AHCTF1: variants seen among roughly 807,000 people sequenced by gnomAD.
AHCTF1 encodes the protein protein ELYS.
AHCTF1 carries 24 observed loss-of-function variants against 248.4 expected under a neutral mutation model. That is an observed-to-expected ratio of 0.10 (90% CI 0.07 to 0.14). AHCTF1 has a LOEUF of 0.14. Among genes scored for constraint, AHCTF1 ranks in the 10% least tolerant of loss-of-function variants. The probability of loss-of-function intolerance (pLI) is 1.00; values close to 1 mark genes in which losing one functional copy is unlikely to be tolerated. For missense variants in AHCTF1, 2,206 were observed against 2,636.2 expected (o/e 0.84, Z 3.57); for synonymous variants, 786 against 929.8 (o/e 0.85, Z 2.81).
chr1:246,894,823 G>A, intron 13 of AHCTF1, 75 bp from the exon 14 acceptor site: 2 of 1,300,898 alleles, frequency 1.5e-6, no homozygotes, highest in Non-Finnish European at 2.2e-6. Flanking sequence ...TGGTGGAGAA[G>A]CATGGCAGAC....
chr1:246,885,900 A>C (rs1663786660), intron 20 of AHCTF1, among the ~76,000 whole-genome samples: 1 of 152,208 alleles, frequency 6.6e-6, no homozygotes, highest in Admixed American at 6.5e-5. Flanking sequence ...CATTTGAAAA[A>C]ATAAGGCTGG....
At chr1:246,918,184 T>C (rs1666278023) in intron 2 of AHCTF1, 66 bp downstream of exon 2, 1 of 1,419,092 alleles carries the variant, frequency 7.0e-7, no homozygotes, top group Non-Finnish European at 9.4e-7. Flanking sequence ...AACTATAATA[T>C]ATACTTATTA....
chr1:246,858,921 C>A (rs923420267), intron 29 of AHCTF1, among the ~76,000 whole-genome samples: 1 of 151,812 alleles, frequency 6.6e-6, no homozygotes, highest in African/African-American at 2.4e-5. Context: ...GTTAGTAGAA[C>A]AAGGCACATC....
chr1:246,863,107 T>C (rs1021672308), intron 27 of AHCTF1, among the ~76,000 whole-genome samples: 22 of 152,356 alleles, frequency 1.4e-4, no homozygotes, highest in Non-Finnish European at 2.6e-4. Flanking sequence ...AAGTGTGATT[T>C]ATTTTTGACA....
chr1:246,885,886 A>T (rs1401221331), intron 20 of AHCTF1, among the ~76,000 whole-genome samples: 2 of 152,224 alleles, frequency 1.3e-5, no homozygotes, highest in Non-Finnish European at 2.9e-5. Context: ...GTGCAGATAG[A>T]AAACATTTGA....
rs563808117 is a variant in AHCTF1, at chr1:246,896,872, A to T, written c.1624-947T>A. Among the ~76,000 whole-genome samples, 6 of 152,366 alleles carry T rather than the reference A, an allele frequency of 3.9e-5. No individual in the cohort carries two copies. In the South Asian group the frequency reaches 1.2e-3, roughly 32 times the overall value. Reference sequence around the variant, plus strand: ...GTTGAACAGGCACAGAGGGAATTACATAATGGTCCACAAAACCTAAGAAGG... The same window carrying T: ...GTTGAACAGGCACAGAGGGAATTACTTAATGGTCCACAAAACCTAAGAAGG... On this transcript the variant is annotated intron_variant, in intron 12 of 35. Transcript: ENST00000648844.
intron 21 of AHCTF1, among the ~76,000 whole-genome samples, chr1:246,879,346 C>T (rs1220950323): frequency 6.6e-6 from 1 of 152,090 alleles, no homozygotes; most frequent in Non-Finnish European, 1.5e-5. Context: ...GTTGTCATAA[C>T]CTTGATGGAG....
chr1:246,852,665 C>T (rs190711324), intron 32 of AHCTF1, among the ~76,000 whole-genome samples: 1 of 152,174 alleles, frequency 6.6e-6, no homozygotes, highest in East Asian at 1.9e-4. Flanking sequence ...CTAAAAAAAC[C>T]TTTCATTTGA....
chr1:246,911,540 A>G (rs1326081682), intron 4 of AHCTF1, among the ~76,000 whole-genome samples: 1 of 143,890 alleles, frequency 6.9e-6, no homozygotes, highest in Non-Finnish European at 1.5e-5. Flanking sequence ...CTGGAATGCA[A>G]TGGCGCAATC....
Position 246,850,093 on chromosome 1 carries a change from A to G in AHCTF1, c.5913T>C (p.Pro1971=), listed in dbSNP as rs1180127151. The change falls in exon 33 of 36, where the codon CCT becomes CCC. Residue 1971 remains proline (P), a synonymous_variant. Transcript: ENST00000648844. ...VQAEFDMSAI[P]RKRGRPRKIN... ...TTTTTCTTGGTCTACCACGTTTTCT[A>G]GGTATGGCAGACATATCAAATTCTG... 1.7e-5 allele frequency: 27 copies of G among 1,613,900 alleles called. No individual in the cohort carries two copies. The highest frequency in any genetic ancestry group is 2.3e-5 in the Non-Finnish European group (27 of 1,179,866).
chr1:246,928,610 T>C (rs1667117464), intron 1 of AHCTF1, among the ~76,000 whole-genome samples: 1 of 152,170 alleles, frequency 6.6e-6, no homozygotes, highest in South Asian at 2.1e-4. Context: ...ACAAAATTCT[T>C]AAAATTACTA....
rs768685968 is a variant in AHCTF1, at chr1:246,902,560, C to A, written c.1082G>T (p.Arg361Leu). The A allele has an allele frequency of 4.3e-6, 7 of 1,611,416 alleles. No individual in the cohort carries two copies. Among genetic ancestry groups the A allele is most frequent in the Non-Finnish European group, 5.1e-6 (6 of 1,179,568 alleles). ...LLGCQSIEKF[R>L]SHGDREEGVN... is the part of the protein sequence containing the mutation. ...GCCTTCCTCCCTGTCACCATGAGAT[C>A]GAAATTTCTCTATACTCTGGCATCC... Residue 361 changes from arginine (R) to leucine (L), a missense_variant, in exon 8 of 36, where the codon CGA (arginine) becomes CTA (leucine). Coordinates refer to ENST00000648844, the MANE Select transcript of AHCTF1 (RefSeq NM_001323342.2).
At chr1:246,865,484 G>A (rs1661906634) in intron 26 of AHCTF1, among the ~76,000 whole-genome samples, 1 of 152,166 alleles carries the variant, frequency 6.6e-6, no homozygotes, top group Non-Finnish European at 1.5e-5. Flanking sequence ...CAGGCTGCTA[G>A]ACATTTCTTT....
rs745817083 is a variant in AHCTF1, at chr1:246,853,190, T to A, written c.4464A>T (p.Glu1488Asp). 7 of 1,613,236 alleles carry A rather than the reference T, an allele frequency of 4.3e-6. No individual in the cohort carries two copies. The highest frequency in any genetic ancestry group is 5.1e-6 in the Non-Finnish European group (6 of 1,179,558). The change falls in exon 32 of 36, where the codon GAA (glutamate) becomes GAT (aspartate). Residue 1488 changes from glutamate (E) to aspartate (D), a missense_variant. By Grantham distance (45) the Glu-to-Asp change is conservative (BLOSUM62 2). Coordinates refer to ENST00000648844, the MANE Select transcript of AHCTF1 (RefSeq NM_001323342.2). Reference protein sequence around the residue: ...LNQEVALNLKEDHEVEVGVLK... With the variant: ...LNQEVALNLKDDHEVEVGVLK... ...GTACACCAACTTCTACTTCATGATC[T>A]TCTTTTAAGTTCAGCGCTACTTCCT...
chr1:246,928,710 G>C (rs1376243619), intron 1 of AHCTF1, among the ~76,000 whole-genome samples: 2 of 152,138 alleles, frequency 1.3e-5, no homozygotes, highest in South Asian at 4.2e-4. Context: ...CACAGAAAAT[G>C]GAACTCTAAT....
intron 21 of AHCTF1, among the ~76,000 whole-genome samples, chr1:246,877,919 A>AT (rs1192811496): frequency 6.6e-6 from 1 of 151,850 alleles, no homozygotes; most frequent in Admixed American, 6.6e-5. Flanking sequence ...ACTGTTATTT[A>AT]TTTATTTTTA....
rs1354866164 is a variant in AHCTF1, at chr1:246,849,866, T to C, written c.6140A>G (p.Lys2047Arg). 1 of 1,613,710 alleles carries C rather than the reference T, an allele frequency of 6.2e-7. No individual in the cohort carries two copies. The highest frequency in any genetic ancestry group is 8.5e-7 in the Non-Finnish European group (1 of 1,179,816). ...TTGACTTTCAGTCTTTTTTGTAAGT[T>C]TTTTCTTAGAGCTCATCACCATCGA... The part of the protein sequence containing the change: ...ELSMVMSSKK[K>R]LTKKTESQSQ... The change falls in exon 33 of 36, where the codon AAA (lysine) becomes AGA (arginine). Residue 2047 changes from lysine to arginine, a missense_variant. By Grantham distance (26) the Lys-to-Arg change is conservative. Coordinates refer to ENST00000648844, the MANE Select transcript of AHCTF1 (RefSeq NM_001323342.2).
In AHCTF1 at chr1:246,840,436, T is replaced by TAA. The variant is rs1319789589; in HGVS notation, c.*368_*369dup. The TAA allele has an allele frequency of 2.0e-5, 3 of 153,612 alleles. No individual in the cohort carries two copies. The highest frequency in any genetic ancestry group is 7.2e-5 in the African/African-American group (3 of 41,486). The allele number at this position is 153,612 out of a possible 1,614,324, so 9.5% of individuals were successfully genotyped here. ...ATCAATACTTCAATCATCCCCATTTTAAGACTGGTCTAGTATTTTAATTAT... is the reference window on the plus strand; with the variant it reads ...ATCAATACTTCAATCATCCCCATTTTAAAAGACTGGTCTAGTATTTTAATTAT... On this transcript the variant is annotated 3_prime_UTR_variant, in exon 36 of 36. Coordinates refer to ENST00000648844, the MANE Select transcript of AHCTF1 (RefSeq NM_001323342.2).
At chr1:246,918,846 C>G (rs1240235695) in intron 1 of AHCTF1, among the ~76,000 whole-genome samples, 1 of 152,158 alleles carries the variant, frequency 6.6e-6, no homozygotes, top group Non-Finnish European at 1.5e-5. Flanking sequence ...AACCTCCTTG[C>G]AAAGAACACC....
Sources: allele counts gnomAD v4.1 joint callset (sites outside exome capture counted in the v4.1 genomes callset), GRCh38; gene constraint gnomAD v4.1.1; transcripts MANE v1.5; gene names NCBI Gene and HGNC (gene_info 2026-07-23, HGNC 2026-07-21).